Variants in CRTAC1 observed in about 807,000 individuals in gnomAD.
The protein encoded by CRTAC1 is acidic secreted protein in cartilage.
A neutral mutation model predicts 67.8 loss-of-function variants in CRTAC1; 37 were observed. The ratio of observed to expected loss-of-function variants is 0.55; its 90% confidence interval spans 0.42 to 0.72. The LOEUF (loss-of-function observed/expected upper bound fraction) is 0.72, where lower values mean the gene tolerates loss of function less well. Among genes scored for constraint, CRTAC1 ranks in the 30% least tolerant of loss-of-function variants. The probability of loss-of-function intolerance (pLI) is 0.00; values close to 1 mark genes in which losing one functional copy is unlikely to be tolerated. For missense variants in CRTAC1, 780 were observed against 931.6 expected (o/e 0.84, Z 2.12); for synonymous variants, 348 against 371.0 (o/e 0.94, Z 0.71).
At chr10:97,885,317 T>C (rs2050267763) in intron 11 of CRTAC1, among the ~76,000 whole-genome samples, 1 of 152,014 alleles carries the variant, frequency 6.6e-6, no homozygotes, top group African/African-American at 2.4e-5. Flanking sequence ...CTGGGCAACA[T>C]AGTGAGACCC....
intron 4 of CRTAC1, among the ~76,000 whole-genome samples, chr10:97,919,771 C>CTT (rs769852925): frequency 4.7e-5 from 5 of 106,324 alleles, no homozygotes; most frequent in Non-Finnish European, 7.2e-5. Flanking sequence ...ACAGTACAGC[C>CTT]TTTTTTTTTT....
At chr10:97,890,116 C>CACACACAA (rs1041723950) in intron 11 of CRTAC1, among the ~76,000 whole-genome samples, 2 of 151,956 alleles carry the variant, frequency 1.3e-5, no homozygotes, top group African/African-American at 2.4e-5. Flanking sequence ...CACACACACA[C>CACACACAA]ACTCTCACAC....
chr10:98,014,371 C>G (rs570593006), intron 1 of CRTAC1, among the ~76,000 whole-genome samples: 8 of 152,250 alleles, frequency 5.3e-5, no homozygotes, highest in Non-Finnish European at 5.9e-5. Flanking sequence ...TTGGAATCAT[C>G]TGGGGAGCTT....
chr10:97,884,212 TG>T lies in CRTAC1; in HGVS notation c.1625del (p.Pro542HisfsTer102). On this transcript the variant is annotated frameshift_variant, in exon 12 of 15. Coordinates refer to ENST00000370597, the MANE Select transcript of CRTAC1 (RefSeq NM_018058.7). LOFTEE classifies it high-confidence loss of function. The part of the protein sequence containing the change: ...RDEDTLQDPA[P>X]LECGQGFSQQ... Reference sequence around the variant, plus strand: ...CCCAGATGCCTTTGCCCACCTCCAGTGGGGCTGGGTCCTGAAGTGTGTCCTC... The same window carrying T: ...CCCAGATGCCTTTGCCCACCTCCAGTGGGCTGGGTCCTGAAGTGTGTCCTC... 1 of 1,567,572 alleles carries T rather than the reference TG, an allele frequency of 6.4e-7. No homozygotes were observed. The highest frequency in any genetic ancestry group is 8.7e-7 in the Non-Finnish European group (1 of 1,155,188).
chr10:97,946,092 C>A (rs576396880), intron 2 of CRTAC1, among the ~76,000 whole-genome samples: 9 of 152,126 alleles, frequency 5.9e-5, no homozygotes, highest in Non-Finnish European at 1.2e-4. Flanking sequence ...ATGACGAAGA[C>A]CATAACTCCA....
chr10:97,995,103 T>TTC (rs1842535309), intron 2 of CRTAC1, among the ~76,000 whole-genome samples: 1 of 152,238 alleles, frequency 6.6e-6, no homozygotes, highest in Non-Finnish European at 1.5e-5. Context: ...AAGGAATCTT[T>TTC]TCTGATGTGC....
At chr10:97,983,521 G>T (rs191128854) in intron 2 of CRTAC1, among the ~76,000 whole-genome samples, 7 of 152,214 alleles carry the variant, frequency 4.6e-5, no homozygotes, top group African/African-American at 1.7e-4. Context: ...ATTGGGTTGT[G>T]CTCTTTTGAT....
chr10:97,915,909 C>T (rs374143952), intron 5 of CRTAC1, among the ~76,000 whole-genome samples: 125 of 152,278 alleles, frequency 8.2e-4, no homozygotes, highest in Middle Eastern at 3.4e-3. Flanking sequence ...CTTCCTTGAA[C>T]TGCCCGTCCT....
intron 14 of CRTAC1, chr10:97,867,239 C>G (rs2050038413): frequency 6.6e-6 from 1 of 152,284 alleles, no homozygotes; most frequent in Non-Finnish European, 1.5e-5. Context: ...TCCCTCCTTG[C>G]AAGGAAAGGA....
At chr10:97,879,594 C>T (rs886193196) in intron 14 of CRTAC1, 7 of 1,473,484 alleles carry the variant, frequency 4.8e-6, no homozygotes, top group East Asian at 2.5e-5. Flanking sequence ...ACCTACTGGG[C>T]GTGGAGAGAG....
At chr10:97,937,740 G>A (rs979876589) in intron 2 of CRTAC1, among the ~76,000 whole-genome samples, 3 of 152,268 alleles carry the variant, frequency 2.0e-5, no homozygotes, top group Admixed American at 2.0e-4. Flanking sequence ...ACCCCAGGCA[G>A]CACAGAAATG....
chr10:97,987,752 A>G (rs570320392), intron 2 of CRTAC1, among the ~76,000 whole-genome samples: 1 of 152,220 alleles, frequency 6.6e-6, no homozygotes, highest in Admixed American at 6.5e-5. Context: ...CTGTGTCTCT[A>G]GCGCTGAATA....
At chr10:97,982,465 A>G (rs2051906826) in intron 2 of CRTAC1, among the ~76,000 whole-genome samples, 1 of 152,218 alleles carries the variant, frequency 6.6e-6, no homozygotes, top group East Asian at 1.9e-4. Context: ...CTCTGATCTA[A>G]TCAAATCTAA....
At position 97,895,207 on chromosome 10, in the gene CRTAC1, G is replaced by C. The variant is rs1162401281; in HGVS notation, c.1486+38C>G. The C allele has an allele frequency of 1.3e-6, 2 of 1,592,980 alleles. No homozygotes were observed. Among genetic ancestry groups the C allele is most frequent in the African/African-American group, 2.7e-5 (2 of 74,712 alleles). ...GAGTCCCTGAATCAGTCAGCATCCT[G>C]ATAACAGCTCACTGTCCCCCACCGG... On this transcript the variant is annotated intron_variant, in intron 11 of 14. Transcript: ENST00000370597. This position sits in a 1 kb window ranked among gnomAD's most constrained non-coding sequence, Gnocchi z 4.2.
At chr10:97,964,871 G>C (rs1443584394) in intron 2 of CRTAC1, among the ~76,000 whole-genome samples, 1 of 152,166 alleles carries the variant, frequency 6.6e-6, no homozygotes, top group African/African-American at 2.4e-5. Context: ...TTTGTGGTAA[G>C]ACTAATCTGG....
At chr10:98,023,071 C>T (rs1235079664) in intron 1 of CRTAC1, among the ~76,000 whole-genome samples, 1 of 152,140 alleles carries the variant, frequency 6.6e-6, no homozygotes, top group Non-Finnish European at 1.5e-5. Context: ...AATTTCCATG[C>T]AGTCTATCAG....
intron 11 of CRTAC1, among the ~76,000 whole-genome samples, chr10:97,885,007 G>T (rs1417990260): frequency 6.6e-6 from 1 of 152,226 alleles, no homozygotes; most frequent in Non-Finnish European, 1.5e-5. Context: ...TCTTGTCACT[G>T]GGGATGCCCC....
intron 2 of CRTAC1, among the ~76,000 whole-genome samples, chr10:97,956,329 G>T (rs1284173813): frequency 6.6e-6 from 1 of 152,194 alleles, no homozygotes; most frequent in Non-Finnish European, 1.5e-5. Flanking sequence ...CAGATGAGGC[G>T]TAAGAGCTCA....
chr10:97,960,943 T>C (rs1192029127), intron 2 of CRTAC1, among the ~76,000 whole-genome samples: 1 of 152,270 alleles, frequency 6.6e-6, no homozygotes, highest in Non-Finnish European at 1.5e-5. Context: ...AGCCATTTGT[T>C]TGAACTCACT....
Sources: gnomAD v4.1 joint callset for allele counts (sites outside exome capture counted in the v4.1 genomes callset) on GRCh38, gnomAD v4.1.1 for gene constraint, Gnocchi (gnomAD v3.1) non-coding constraint, MANE v1.5 for transcripts, NCBI Gene and HGNC (gene_info 2026-07-23, HGNC 2026-07-21) for gene names.